Variants in PIP5K1A observed in about 807,000 individuals in gnomAD.
The protein encoded by PIP5K1A is phosphatidylinositol 4-phosphate 5-kinase type-1 alpha.
In PIP5K1A, 46 loss-of-function variants were observed where a neutral mutation model predicts 72.9. The observed-to-expected ratio is 0.63, with a 90% CI of 0.50 to 0.81. The LOEUF is 0.81. Ranked by LOEUF, PIP5K1A falls within the 30% of genes least tolerant of loss-of-function variation. The pLI is 0.00. For missense variants in PIP5K1A, 458 were observed against 706.1 expected, an observed-to-expected ratio of 0.65 and a Z score of 3.98; for synonymous variants, 228 against 255.1, an observed-to-expected ratio of 0.89 and a Z score of 1.01.
intron 1 of PIP5K1A, among the ~76,000 whole-genome samples, chr1:151,222,575 C>T (rs1688528370): frequency 1.3e-5 from 2 of 152,248 alleles, no homozygotes; most frequent in South Asian, 2.1e-4. Context: ...TACAGAGGAG[C>T]TTACTTTCTA....
rs1684793076 is a variant in PIP5K1A, at chr1:151,198,891, A to G, written c.-106A>G. ...CCCGGAGGGGGCGGGGAGGTGGCCC[A>G]CAGAACGCGGGTTCTGTAAAGAGAC... On this transcript the variant is annotated 5_prime_UTR_variant, in exon 1 of 16. Coordinates refer to ENST00000368888, the MANE Select transcript of PIP5K1A (RefSeq NM_001135638.2). 1.8e-6 allele frequency: 2 copies of G among 1,142,076 alleles called. No individual in the cohort carries two copies. The highest frequency in any genetic ancestry group is 1.3e-5 in the South Asian group (1 of 76,038). The allele number at this position is 1,142,076 out of a possible 1,614,324, so 70.7% of individuals were successfully genotyped here. A position where few individuals can be genotyped will look rare whatever the true frequency, so the allele number is the denominator to read the frequency against.
chr1:151,242,339 C>T (rs746271246), intron 13 of PIP5K1A, 70 bp downstream of exon 13: 7 of 1,600,590 alleles, frequency 4.4e-6, no homozygotes, highest in Non-Finnish European at 6.0e-6. Context: ...TTTATCTTGT[C>T]TGGCCAGGAC....
intron 1 of PIP5K1A, among the ~76,000 whole-genome samples, chr1:151,218,665 C>G (rs1377752808): frequency 6.6e-6 from 1 of 151,960 alleles, no homozygotes; most frequent in Non-Finnish European, 1.5e-5. Context: ...GAAACCCCGT[C>G]TTGACTGAAA....
intron 1 of PIP5K1A, among the ~76,000 whole-genome samples, chr1:151,221,394 C>T (rs969647240): frequency 1.3e-5 from 2 of 152,164 alleles, no homozygotes; most frequent in African/African-American, 4.8e-5. Flanking sequence ...GGCCTAGGAC[C>T]TTCTCTGTAG....
chr1:151,221,789 C>T (rs965853269), intron 1 of PIP5K1A, among the ~76,000 whole-genome samples: 2 of 152,166 alleles, frequency 1.3e-5, no homozygotes, highest in African/African-American at 2.4e-5. Flanking sequence ...GTCTGGCTAA[C>T]AGCCAGGTGC....
Position 151,219,201 on chromosome 1 carries a change from C to T in PIP5K1A, c.86-5044C>T, listed in dbSNP as rs182853439. Reference sequence around the variant, plus strand: ...TTCCAGACCAGGCTGGCCAACATGGCGAAACCCTGTCTGTACTAAAAATAC... The same window carrying T: ...TTCCAGACCAGGCTGGCCAACATGGTGAAACCCTGTCTGTACTAAAAATAC... On this transcript the variant is annotated intron_variant, in intron 1 of 15. Transcript: ENST00000368888. Among the ~76,000 whole-genome samples the T allele has an allele frequency of 1.5e-3, 233 of 151,318 alleles. 1 individual carries two copies. The highest frequency in any genetic ancestry group is 5.5e-3 in the African/African-American group (226 of 41,194).
chr1:151,244,192 AAAGTC>A (rs772976461), intron 14 of PIP5K1A, among the ~76,000 whole-genome samples: 7 of 146,740 alleles, frequency 4.8e-5, no homozygotes, highest in Non-Finnish European at 1.1e-4. Flanking sequence ...AAAAAAAAAA[AAAGTC>A]GTGAAAATGT....
intron 1 of PIP5K1A, among the ~76,000 whole-genome samples, chr1:151,203,905 C>T (rs1447202822): frequency 2.0e-5 from 3 of 151,922 alleles, no homozygotes; most frequent in Non-Finnish European, 2.9e-5. Context: ...CAGACTAGAA[C>T]ATTTTTAAAA....
rs373114478 is a variant in PIP5K1A at position 151,239,111 on chromosome 1, A to G, written c.1230-19A>G. 5.0e-6 allele frequency: 8 copies of G among 1,589,642 alleles called. No homozygotes were observed. The African/African-American group carries it at 9.4e-5, about 19-fold the overall frequency. On this transcript the variant is annotated intron_variant, in intron 10 of 15. Transcript: ENST00000368888. ...TATTTAAAAATGACGTGAGTAGGTGATGTACATTTTTCTTGCAGGTTTGTT... is the reference window on the plus strand; with the variant it reads ...TATTTAAAAATGACGTGAGTAGGTGGTGTACATTTTTCTTGCAGGTTTGTT...
chr1:151,229,360 C>CTTTTTTT (rs587604327), intron 4 of PIP5K1A, among the ~76,000 whole-genome samples: 4 of 130,764 alleles, frequency 3.1e-5, no homozygotes, highest in Non-Finnish European at 6.6e-5. Context: ...GCTTATTTAG[C>CTTTTTTT]TTTTTTTTTT....
rs1691080407 is a variant in PIP5K1A, at chr1:151,237,654, C to G, written c.1146-528C>G. ...CCAGCTTGGGCAAAAAGAATGGGAC[C>G]CTGTGTCAAAAAAAAAAAAATTGTT... is the stretch of plus-strand genomic sequence containing the variant. On this transcript the variant is annotated intron_variant, in intron 9 of 15. Coordinates refer to ENST00000368888, the MANE Select transcript of PIP5K1A (RefSeq NM_001135638.2). Among the ~76,000 whole-genome samples, 3 of 151,712 alleles carry G rather than the reference C, an allele frequency of 2.0e-5. No homozygotes were observed. In the South Asian group the frequency reaches 6.2e-4, roughly 32 times the overall value.
rs191459255 is a variant in PIP5K1A, at chr1:151,203,374, C to T, written c.85+4293C>T. 2.2e-4 allele frequency among the ~76,000 whole-genome samples: 34 copies of T among 151,850 alleles called. 1 individual carries two copies. The highest frequency in any genetic ancestry group is 8.2e-4 in the African/African-American group (34 of 41,414). On this transcript the variant is annotated intron_variant, in intron 1 of 15. Coordinates refer to ENST00000368888, the MANE Select transcript of PIP5K1A (RefSeq NM_001135638.2). The stretch of plus-strand genomic sequence containing the variant: ...TGAAACCCTGTCTCTGCTAAAAATA[C>T]AAAAATTAGCCGGGTGTGGTGGCAG...
intron 4 of PIP5K1A, among the ~76,000 whole-genome samples, chr1:151,230,669 G>A (rs1449719834): frequency 3.3e-5 from 5 of 152,182 alleles, no homozygotes; most frequent in African/African-American, 1.2e-4. Flanking sequence ...AGCCTTCTGA[G>A]TAGCTGGGAC....
At chr1:151,235,513 ACTCT>A (rs992051935) in intron 8 of PIP5K1A, among the ~76,000 whole-genome samples, 1 of 152,190 alleles carries the variant, frequency 6.6e-6, no homozygotes, top group Non-Finnish European at 1.5e-5. Context: ...GAAGACAGAA[ACTCT>A]CTCTTTAATA....
chr1:151,227,534 T>C (rs1164622462), intron 4 of PIP5K1A, 134 bp downstream of exon 4: 1 of 501,210 alleles, frequency 2.0e-6, no homozygotes, highest in African/African-American at 1.9e-5. Flanking sequence ...ATAATACAGC[T>C]TAGACTTTAG....
intron 10 of PIP5K1A, chr1:151,238,527 G>C (rs1691207807): frequency 2.3e-6 from 1 of 435,864 alleles, no homozygotes; most frequent in African/African-American, 2.0e-5. Flanking sequence ...GGAAGCACCA[G>C]GGTAGAATAT....
At chr1:151,246,799 C>A in intron 14 of PIP5K1A, 121 bp from the exon 15 acceptor site, 1 of 686,972 alleles carries the variant, frequency 1.5e-6, no homozygotes, top group Non-Finnish European at 2.5e-6. Flanking sequence ...CTCTTCTTTC[C>A]AAATTCTAAA....
At chr1:151,236,433 A>C in intron 8 of PIP5K1A, 125 bp from the exon 9 acceptor site, 1 of 638,816 alleles carries the variant, frequency 1.6e-6, no homozygotes, top group Non-Finnish European at 2.7e-6. Context: ...CCGAGATCAC[A>C]CCACTGCACT....
At chr1:151,226,835 T>C (rs916246512) in intron 3 of PIP5K1A, among the ~76,000 whole-genome samples, 9 of 151,878 alleles carry the variant, frequency 5.9e-5, no homozygotes, top group Non-Finnish European at 8.8e-5. Flanking sequence ...GAGATCAGCC[T>C]GGCCAACATG....
Sources: allele counts gnomAD v4.1 joint callset (sites outside exome capture counted in the v4.1 genomes callset), GRCh38; gene constraint gnomAD v4.1.1; transcripts MANE v1.5; gene names NCBI Gene and HGNC (gene_info 2026-07-23, HGNC 2026-07-21).